The following INTS3 variants were observed in gnomAD, a reference collection of about 807,000 sequenced individuals.
The protein encoded by INTS3 is integrator complex subunit 3.
A neutral mutation model predicts 146.3 loss-of-function variants in INTS3; 34 were observed. The ratio of observed to expected loss-of-function variants is 0.23; its 90% CI spans 0.18 to 0.31. The LOEUF (loss-of-function observed/expected upper bound fraction) is 0.31. INTS3 is among the 10% of genes least tolerant of loss of function. INTS3 has a pLI of 1.00. For synonymous variants in INTS3, 475 were observed against 494.9 expected, an observed-to-expected ratio of 0.96 and a Z score of 0.53; for missense variants, 757 against 1,304.2, an observed-to-expected ratio of 0.58 and a Z score of 6.46.
Position 153,751,128 on chromosome 1 carries a change from C to T in INTS3, c.618C>T (p.Ala206=). 1 of 1,614,168 alleles carries T rather than the reference C, an allele frequency of 6.2e-7. No homozygotes were observed. The highest frequency in any genetic ancestry group is 8.5e-7 in the Non-Finnish European group (1 of 1,180,016). ...TCCTGAAGAGCAGCATCCTCATTGCCATGGCTGTTTACACGTACCTCCGCC... is the reference window on the plus strand; with the variant it reads ...TCCTGAAGAGCAGCATCCTCATTGCTATGGCTGTTTACACGTACCTCCGCC... The part of the protein sequence containing the change: ...EWVLKSSILI[A]MAVYTYLRLI... The change falls in exon 7 of 30, where the codon GCC becomes GCT. Residue 206 remains alanine, a synonymous_variant. Coordinates refer to ENST00000318967, the MANE Select transcript of INTS3 (RefSeq NM_023015.5).
intron 18 of INTS3, 112 bp downstream of exon 18, chr1:153,764,333 T>C: frequency 2.7e-6 from 2 of 731,090 alleles, no homozygotes; most frequent in Non-Finnish European, 4.9e-6. Context: ...TCACTTGGTG[T>C]TTTTATTCTC....
At chr1:153,764,000 G>C in intron 17 of INTS3, 114 bp downstream of exon 17, 1 of 1,275,654 alleles carries the variant, frequency 7.8e-7, no homozygotes, top group Non-Finnish European at 1.1e-6. Context: ...CTCTTATAGT[G>C]GGGAGGGGAG....
rs58166068 is a variant in INTS3 at position 153,772,020 on chromosome 1, CGGTGGTGGTGGTGGTGGT to C, written c.2720+71_2720+88del. 3.2e-3 allele frequency: 3,730 copies of C among 1,182,550 alleles called. 143 individuals are homozygous for C. The East Asian group carries it at 0.087, about 28-fold the overall frequency. The allele number at this position is 1,182,550 out of a possible 1,614,324, so 73.3% of individuals were successfully genotyped here. A position where few individuals can be genotyped will look rare whatever the true frequency, so the allele number is the denominator to read the frequency against. On this transcript the variant is annotated intron_variant, in intron 26 of 29. Transcript: ENST00000318967. This position sits in a 1 kb window ranked among gnomAD's most constrained non-coding sequence, Gnocchi z 4.6. ...CATGGCGGTCTGCAGTGATTGCTGT[CGGTGGTGGTGGTGGTGGT>C]GGTGGTGGTGGTGATGGGGGTCAGT...
chr1:153,745,655 G>GAA (rs79582507), intron 3 of INTS3, among the ~76,000 whole-genome samples: 30 of 114,448 alleles, frequency 2.6e-4, no homozygotes, highest in South Asian at 6.0e-4. Context: ...GAGACAGAGT[G>GAA]AAAAAAAAAA....
chr1:153,735,111 G>T (rs1002221120), intron 1 of INTS3, among the ~76,000 whole-genome samples: 2 of 151,976 alleles, frequency 1.3e-5, no homozygotes, highest in Non-Finnish European at 2.9e-5. Context: ...GGGACTATAG[G>T]CACGCCACCA....
rs376093213 is a variant in INTS3 at position 153,764,743 on chromosome 1, G to A, written c.1970+9G>A. ...CTGTACCTAATATTTAGGTAAGCAC[G>A]CAGCTATAGGAGATACTGTTCTACC... On this transcript the variant is annotated intron_variant, in intron 19 of 29. Transcript: ENST00000318967. 175 of 1,600,352 alleles carry A rather than the reference G, an allele frequency of 1.1e-4. No homozygotes were observed. Among genetic ancestry groups the A allele is most frequent in the Non-Finnish European group, 1.4e-4 (164 of 1,167,720 alleles).
At chr1:153,770,384 C>T in intron 24 of INTS3, 73 bp downstream of exon 24, 1 of 952,164 alleles carries the variant, frequency 1.1e-6, no homozygotes, top group Middle Eastern at 2.2e-4. Flanking sequence ...GCTGAGGCCT[C>T]TAGGCTTCTA....
intron 9 of INTS3, 84 bp downstream of exon 9, chr1:153,754,823 T>G (rs1672101251): frequency 3.5e-6 from 3 of 866,754 alleles, no homozygotes; most frequent in Non-Finnish European, 4.0e-6. Flanking sequence ...TACCATTGTT[T>G]ACTAACCAGT....
Position 153,757,319 on chromosome 1 carries a change from T to G in INTS3, c.958-253T>G, listed in dbSNP as rs1672197995. Among the ~76,000 whole-genome samples, 2 of 152,028 alleles carry G rather than the reference T, an allele frequency of 1.3e-5. No individual in the cohort carries two copies. Among genetic ancestry groups the G allele is most frequent in the African/African-American group, 4.8e-5 (2 of 41,378 alleles). On this transcript the variant is annotated intron_variant, in intron 9 of 29. Transcript: ENST00000318967. This position sits in a 1 kb window ranked among gnomAD's most constrained non-coding sequence, Gnocchi z 4.0. ...GACTGAAGTTGCAGTTGGGGGTAAA[T>G]GTAGCCTGAGGTCAGTGGCAAGAAT...
rs1276417929 is a variant in INTS3, at chr1:153,761,593, A to G, written c.1433A>G (p.Asn478Ser). The G allele has an allele frequency of 2.5e-6, 4 of 1,613,948 alleles. No homozygotes were observed. In the South Asian group the frequency reaches 4.4e-5, roughly 18 times the overall value. ...AGACACCTAGCTCCCCTGTTTGACA[A>G]CCCTAAGTTGGATAAGGAGCTGCGG... ...VLAHLAPLFD[N>S]PKLDKELRAM... Residue 478 changes from asparagine (N) to serine (S), a missense_variant, in exon 14 of 30, where the codon AAC becomes AGC. This residue lies in a region of INTS3 where 97 missense variants were observed against 113.6 expected (regional missense o/e 0.85). Coordinates refer to ENST00000318967, the MANE Select transcript of INTS3 (RefSeq NM_023015.5).
intron 24 of INTS3, 100 bp downstream of exon 24, chr1:153,770,411 A>G (rs752142130): frequency 3.8e-5 from 32 of 837,098 alleles, no homozygotes; most frequent in Non-Finnish European, 5.8e-5. Context: ...GCCCAGATCC[A>G]TTGTCCTCCT....
chr1:153,736,853 G>A (rs182719918), intron 1 of INTS3, among the ~76,000 whole-genome samples: 11 of 138,780 alleles, frequency 7.9e-5, no homozygotes, highest in African/African-American at 1.9e-4. Context: ...AAGCTTCGCC[G>A]ACCGGGTTCA....
At chr1:153,752,819 C>T (rs1157400302) in intron 8 of INTS3, among the ~76,000 whole-genome samples, 1 of 152,078 alleles carries the variant, frequency 6.6e-6, no homozygotes, top group Non-Finnish European at 1.5e-5. Flanking sequence ...AGAGAAGGCC[C>T]CTCCCTGGGA....
intron 1 of INTS3, among the ~76,000 whole-genome samples, chr1:153,731,901 C>CTTTTTTTTTTTTTT (rs34353204): frequency 4.6e-5 from 3 of 65,280 alleles, no homozygotes; most frequent in South Asian, 6.5e-4. Flanking sequence ...CTTTTTTTAA[C>CTTTTTTTTTTTTTT]TTTTTTTTTT....
Position 153,738,600 on chromosome 1 carries a change from AG to A in INTS3, c.151-2049del, listed in dbSNP as rs1671392240. ...GATATTAACTTTGATCACTTGGTTA[AG>A]GTAGTGTCCTCCAGGCTCTCCTACA... On this transcript the variant is annotated intron_variant, in intron 1 of 29. Transcript: ENST00000318967. Among the ~76,000 whole-genome samples, 3 of 152,370 alleles carry A rather than the reference AG, an allele frequency of 2.0e-5. 1 individual carries two copies. Among genetic ancestry groups the A allele is most frequent in the African/African-American group, 7.2e-5 (3 of 41,588 alleles).
chr1:153,762,850 G>A lies in INTS3; in HGVS notation c.1636+3G>A. The A allele has an allele frequency of 6.2e-7, 1 of 1,613,892 alleles. No homozygotes were observed. Among genetic ancestry groups the A allele is most frequent in the South Asian group, 1.1e-5 (1 of 91,066 alleles). On this transcript the variant is annotated splice_donor_region_variant and intron_variant, in intron 15 of 29. Transcript: ENST00000318967. The stretch of plus-strand genomic sequence containing the variant: ...TGAAGAGGATCTCAACAGCAAAGGT[G>A]AGGCCATCAGCAAGGGCTAGTTCAG...
intron 14 of INTS3, among the ~76,000 whole-genome samples, chr1:153,762,053 C>T (rs1436875301): frequency 1.3e-5 from 2 of 152,236 alleles, no homozygotes; most frequent in Admixed American, 1.3e-4. Flanking sequence ...GGCCTCAAAC[C>T]TTACTCTCAA....
At chr1:153,744,059 G>T (rs1162634943) in intron 3 of INTS3, among the ~76,000 whole-genome samples, 2 of 151,292 alleles carry the variant, frequency 1.3e-5, no homozygotes, top group East Asian at 4.1e-4. Flanking sequence ...GTGTGTGTGT[G>T]TGTGTGTGTG....
intron 6 of INTS3, chr1:153,750,740 C>T: frequency 3.9e-6 from 1 of 256,842 alleles, no homozygotes. Flanking sequence ...CCTAGTACCT[C>T]ACATGTTGCT....
Sources: gnomAD v4.1 joint callset for allele counts (sites outside exome capture counted in the v4.1 genomes callset) on GRCh38, gnomAD v4.1.1 for gene constraint, gnomAD v4.1.1 regional missense constraint, Gnocchi (gnomAD v3.1) non-coding constraint, MANE v1.5 for transcripts, NCBI Gene and HGNC (gene_info 2026-07-23, HGNC 2026-07-21) for gene names.